PRR11: variants seen among roughly 807,000 people sequenced by gnomAD.
PRR11 encodes the protein proline rich 11.
A neutral mutation model predicts 45.6 loss-of-function variants in PRR11; 30 were observed. The observed-to-expected ratio is 0.66, with a 90% confidence interval of 0.49 to 0.89. The LOEUF (loss-of-function observed/expected upper bound fraction) is 0.89. PRR11 is among the 40% of genes least tolerant of loss of function. PRR11 has a pLI of 0.00. For synonymous variants in PRR11, 128 were observed against 153.5 expected, an observed-to-expected ratio of 0.83 and a Z score of 1.23; for missense variants, 373 against 424.8, an observed-to-expected ratio of 0.88 and a Z score of 1.07.
At chr17:59,180,011 T>G in intron 2 of PRR11, 1 of 970,206 alleles carries the variant, frequency 1.0e-6, no homozygotes, top group Non-Finnish European at 1.5e-6. Context: ...CATCTTTCCG[T>G]CTTTCTCCTT....
rs774942387 is a variant in PRR11 at position 59,176,534 on chromosome 17, G to C, written c.128+6654G>C. Among the ~76,000 whole-genome samples, 14 of 152,026 alleles carry C rather than the reference G, an allele frequency of 9.2e-5. No homozygotes were observed. In the South Asian group the frequency reaches 1.2e-3, roughly 14 times the overall value. On this transcript the variant is annotated intron_variant, in intron 2 of 9. Coordinates refer to ENST00000262293, the MANE Select transcript of PRR11 (RefSeq NM_018304.4). ...GCGTTTGCAGTTGATATGGGAAGGAGAGAGACAGAAGAACCAGAAATGTCT... is the reference window on the plus strand; with the variant it reads ...GCGTTTGCAGTTGATATGGGAAGGACAGAGACAGAAGAACCAGAAATGTCT...
At chr17:59,190,716 A>G (rs1487970676) in intron 4 of PRR11, among the ~76,000 whole-genome samples, 1 of 152,186 alleles carries the variant, frequency 6.6e-6, no homozygotes, top group African/African-American at 2.4e-5. Context: ...CCTTCTTTAC[A>G]GTAAGTTTAT....
intron 7 of PRR11, among the ~76,000 whole-genome samples, chr17:59,197,227 A>G (rs1312823348): frequency 6.6e-6 from 1 of 151,676 alleles, no homozygotes; most frequent in African/African-American, 2.4e-5. Context: ...CCTTTGGGAA[A>G]AAAATAATAA....
At chr17:59,186,961 T>C (rs2046817019) in intron 4 of PRR11, among the ~76,000 whole-genome samples, 1 of 152,024 alleles carries the variant, frequency 6.6e-6, no homozygotes, top group Non-Finnish European at 1.5e-5. Context: ...ACTGAAATGG[T>C]AGAATCACTT....
At chr17:59,193,389 T>G in intron 4 of PRR11, 103 bp from the exon 5 acceptor site, 2 of 1,389,586 alleles carry the variant, frequency 1.4e-6, no homozygotes, top group Non-Finnish European at 2.0e-6. Context: ...CATGGTACGC[T>G]GAGAAAGCAT....
chr17:59,192,235 T>G (rs866414796), intron 4 of PRR11, among the ~76,000 whole-genome samples: 189 of 149,308 alleles, frequency 1.3e-3, no homozygotes, highest in African/African-American at 4.6e-3. Context: ...AACCAAGGAG[T>G]GCTGACAGCT....
intron 7 of PRR11, among the ~76,000 whole-genome samples, chr17:59,196,936 G>A (rs1469006564): frequency 4.0e-5 from 6 of 151,522 alleles, no homozygotes; most frequent in African/African-American, 7.3e-5. Flanking sequence ...TACAACCTCC[G>A]CCTCCCAGGT....
intron 9 of PRR11, among the ~76,000 whole-genome samples, chr17:59,198,938 A>G (rs371675098): frequency 6.6e-6 from 1 of 152,234 alleles, no homozygotes; most frequent in African/African-American, 2.4e-5. Flanking sequence ...AATATTTACT[A>G]AGCACTTCCT....
chr17:59,187,525 G>T (rs547504661), intron 4 of PRR11, among the ~76,000 whole-genome samples: 1 of 144,456 alleles, frequency 6.9e-6, no homozygotes, highest in South Asian at 2.3e-4. Flanking sequence ...AGCTGAGATC[G>T]CATCACTGCA....
In PRR11 at chr17:59,205,660, T is replaced by A. The variant is rs2046914443; in HGVS notation, c.*4029T>A. On this transcript the variant is annotated 3_prime_UTR_variant, in exon 10 of 10. Transcript: ENST00000262293. ...GTTGCAGTGAGCCGAGATCGCCCCATTGCACTCCAGCTTGAGCAACAAGAG... is the reference window on the plus strand; with the variant it reads ...GTTGCAGTGAGCCGAGATCGCCCCAATGCACTCCAGCTTGAGCAACAAGAG... 6.6e-6 allele frequency among the ~76,000 whole-genome samples: 1 copy of A among 151,362 alleles called. No individual in the cohort carries two copies. Among genetic ancestry groups the A allele is most frequent in the Admixed American group, 6.6e-5 (1 of 15,192 alleles).
At chr17:59,173,137 A>G (rs1328987296) in intron 2 of PRR11, among the ~76,000 whole-genome samples, 3 of 152,222 alleles carry the variant, frequency 2.0e-5, no homozygotes, top group Non-Finnish European at 2.9e-5. Flanking sequence ...GACACTCTGT[A>G]TCTAGCTAAT....
chr17:59,182,389 C>CT (rs147890743), intron 2 of PRR11, among the ~76,000 whole-genome samples: 36,771 of 107,254 alleles, frequency 0.34, 7,823 homozygotes, highest in African/African-American at 0.52. Context: ...TCTGACCCTT[C>CT]TTTTTTTTTT....
chr17:59,181,519 C>G (rs1568323146), intron 2 of PRR11: 1 of 1,165,368 alleles, frequency 8.6e-7, no homozygotes, highest in East Asian at 2.7e-5. Flanking sequence ...ACCAAGCAGC[C>G]TGTTGAAGTC....
chr17:59,180,391 G>A (rs1473160315), intron 2 of PRR11, among the ~76,000 whole-genome samples: 5 of 150,358 alleles, frequency 3.3e-5, no homozygotes, highest in Admixed American at 2.6e-4. Flanking sequence ...TTGGCCTCCC[G>A]AAGTGCTGGG....
chr17:59,169,287 G>A (rs1038610012), intron 1 of PRR11, among the ~76,000 whole-genome samples: 1 of 151,668 alleles, frequency 6.6e-6, no homozygotes. Flanking sequence ...TAGTAGAGAC[G>A]GGGTTTCTCC....
In PRR11 at chr17:59,194,265, C is replaced by CCACACACACA. The variant is rs1277044945; in HGVS notation, c.646-491_646-490insACACACACAC. On this transcript the variant is annotated intron_variant, in intron 5 of 9. Transcript: ENST00000262293. The stretch of plus-strand genomic sequence containing the variant: ...GAATTAAATCCAGAGTCTTCCCAAT[C>CCACACACACA]CTCACACACACACACACACACACAC... 2.6e-3 allele frequency among the ~76,000 whole-genome samples: 236 copies of CCACACACACA among 90,490 alleles called. 2 individuals are homozygous for CCACACACACA. The highest frequency in any genetic ancestry group is 0.015 in the African/African-American group (227 of 15,322). 59.4% of individuals were successfully genotyped at this position (90,490 alleles called of 152,430 possible).
chr17:59,156,923 G>A (rs889295028), intron 1 of PRR11, among the ~76,000 whole-genome samples: 6 of 152,274 alleles, frequency 3.9e-5, no homozygotes, highest in South Asian at 2.1e-4. Context: ...CACCACGCTC[G>A]GCCGCAAAGA....
In PRR11 at chr17:59,177,413, GTA is replaced by G. The variant is rs1194635203; in HGVS notation, c.128+7535_128+7536del. Among the ~76,000 whole-genome samples, 7 of 152,262 alleles carry G rather than the reference GTA, an allele frequency of 4.6e-5. No individual in the cohort carries two copies. In the East Asian group the frequency reaches 1.4e-3, roughly 29 times the overall value. On this transcript the variant is annotated intron_variant, in intron 2 of 9. Coordinates refer to ENST00000262293, the MANE Select transcript of PRR11 (RefSeq NM_018304.4). ...CATGTGGAAATTGCGGGGTGGTGGG[GTA>G]TTTGAAGGTCGGATGCAAATCCGAG...
At chr17:59,180,667 G>T (rs528811340) in intron 2 of PRR11, among the ~76,000 whole-genome samples, 1 of 150,320 alleles carries the variant, frequency 6.7e-6, no homozygotes, top group Non-Finnish European at 1.5e-5. Context: ...CACCACACCC[G>T]GCTAAGTTTT....
Sources: gnomAD v4.1 joint callset for allele counts (sites outside exome capture counted in the v4.1 genomes callset) on GRCh38, gnomAD v4.1.1 for gene constraint, MANE v1.5 for transcripts, NCBI Gene and HGNC (gene_info 2026-07-23, HGNC 2026-07-21) for gene names.